The following USP46 variants were observed in gnomAD, a reference collection of about 807,000 sequenced individuals.
The protein encoded by USP46 is ubiquitin carboxyl-terminal hydrolase 46.
Under a neutral mutation model 44.4 loss-of-function variants are expected in USP46, and 12 were observed. The ratio of observed to expected loss-of-function variants is 0.27; its 90% CI spans 0.17 to 0.44. USP46 has a LOEUF of 0.44. Among genes scored for constraint, USP46 ranks in the 20% least tolerant of loss-of-function variants. The probability of loss-of-function intolerance (pLI) is 1.00; values close to 1 mark genes in which losing one functional copy is unlikely to be tolerated. For synonymous variants in USP46, 155 were observed against 161.5 expected, an observed-to-expected ratio of 0.96 and a Z score of 0.31; for missense variants, 248 against 444.8, an observed-to-expected ratio of 0.56 and a Z score of 3.98.
chr4:52,596,014 G>A lies in USP46; in HGVS notation c.*1626C>T, dbSNP rs1323617629. The A allele has an allele frequency of 6.6e-6, 1 of 152,542 alleles. No individual in the cohort carries two copies. The highest frequency in any genetic ancestry group is 1.9e-4 in the East Asian group (1 of 5,196). The allele number at this position is 152,542 out of a possible 1,614,324, so 9.4% of individuals were successfully genotyped here. On this transcript the variant is annotated 3_prime_UTR_variant, in exon 9 of 9. Transcript: ENST00000441222. ...AATAACATGAAGATCACCCTGTTTT[G>A]TCTTCTCCAGTGAAAAGTAAAACAT...
rs2109588759 is a variant in USP46 at position 52,597,621 on chromosome 4, A to T, written c.*19T>A. Reference sequence around the variant, plus strand: ...TGTGAACATTCTCCCCACGTGAATCAGTCCCGCAGGTCTTTCAGTTACTCT... The same window carrying T: ...TGTGAACATTCTCCCCACGTGAATCTGTCCCGCAGGTCTTTCAGTTACTCT... On this transcript the variant is annotated 3_prime_UTR_variant, in exon 9 of 9. Transcript: ENST00000441222. 2 of 1,520,618 alleles carry T rather than the reference A, an allele frequency of 1.3e-6. No homozygotes were observed. Among genetic ancestry groups the T allele is most frequent in the South Asian group, 2.4e-5 (2 of 83,244 alleles). The allele number at this position is 1,520,618 out of a possible 1,614,324, so 94.2% of individuals were successfully genotyped here. A position where few individuals can be genotyped will look rare whatever the true frequency, so the allele number is the denominator to read the frequency against.
In USP46 at chr4:52,625,972, A is replaced by G. The variant is rs181561645; in HGVS notation, c.561+46T>C. ...TGCAATCACATGCAACATAGCGTACATAAATATGAACATGCGAGCTACATA... is the reference window on the plus strand; with the variant it reads ...TGCAATCACATGCAACATAGCGTACGTAAATATGAACATGCGAGCTACATA... On this transcript the variant is annotated intron_variant, in intron 4 of 8. Coordinates refer to ENST00000441222, the MANE Select transcript of USP46 (RefSeq NM_022832.4). The G allele has an allele frequency of 2.6e-6, 4 of 1,552,956 alleles. No homozygotes were observed. The Admixed American group carries it at 5.3e-5, about 21-fold the overall frequency.
At chr4:52,619,401 C>G (rs1229681487) in intron 4 of USP46, among the ~76,000 whole-genome samples, 3 of 152,112 alleles carry the variant, frequency 2.0e-5, no homozygotes, top group Non-Finnish European at 4.4e-5. Flanking sequence ...GAGGCAGCAA[C>G]AATGGCAAGG....
chr4:52,622,313 T>C (rs982468977), intron 4 of USP46, among the ~76,000 whole-genome samples: 11 of 152,170 alleles, frequency 7.2e-5, no homozygotes, highest in African/African-American at 2.4e-4. Context: ...ACATACGTTA[T>C]ACACACACAC....
rs575823945 is a variant in USP46 at position 52,591,733 on chromosome 4, C to T, written c.*5907G>A. 3 of 152,198 alleles carry T rather than the reference C, an allele frequency of 2.0e-5. No individual in the cohort carries two copies. The highest frequency in any genetic ancestry group is 4.8e-5 in the African/African-American group (2 of 41,540). The allele number at this position is 152,198 out of a possible 1,614,324, so 9.4% of individuals were successfully genotyped here. A position where few individuals can be genotyped will look rare whatever the true frequency, so the allele number is the denominator to read the frequency against. ...CAAATCCCTTTAAAACATAAAGGAA[C>T]CTTAAAAAGCAAACAAAGGCTGATG... On this transcript the variant is annotated 3_prime_UTR_variant, in exon 9 of 9. Transcript: ENST00000441222.
intron 1 of USP46, among the ~76,000 whole-genome samples, chr4:52,653,734 G>A (rs1192682575): frequency 6.6e-6 from 1 of 152,068 alleles, no homozygotes; most frequent in Non-Finnish European, 1.5e-5. Flanking sequence ...GGGTAAGCTA[G>A]AGATAGAGAT....
chr4:52,628,379 T>G (rs535658454), intron 2 of USP46: 42 of 529,120 alleles, frequency 7.9e-5, no homozygotes, highest in Middle Eastern at 4.9e-4. Flanking sequence ...ATCATTCCGG[T>G]GCTTCTCTAG....
chr4:52,604,356 T>C, intron 6 of USP46, 145 bp downstream of exon 6: 2 of 641,864 alleles, frequency 3.1e-6, no homozygotes, highest in Non-Finnish European at 5.4e-6. Flanking sequence ...CCAGTTTCAC[T>C]GGTGAGGAGG....
Position 52,626,180 on chromosome 4 carries a change from C to T in USP46, c.399G>A (p.Ala133=). 3.1e-6 allele frequency: 5 copies of T among 1,613,792 alleles called. No individual in the cohort carries two copies. Among genetic ancestry groups the T allele is most frequent in the African/African-American group, 1.3e-5 (1 of 74,998 alleles). ...GTTTCTTCTCCTCCTGAAGGATGTC[C>T]GCAATAGTGTTTAGCAAATAATTTA... is the stretch of plus-strand genomic sequence containing the variant. ...EFLNYLLNTI[A]DILQEEKKQE... Residue 133 remains alanine, a synonymous_variant, in exon 4 of 9, where the codon GCG becomes GCA. Transcript: ENST00000441222.
rs553776421 is a variant in USP46 at position 52,612,150 on chromosome 4, C to A, written c.562-1533G>T. ...GGAAGGGATAAAACATTTTAAGTGGCCTAAAATGGTCAAAAAGTTGGGAAT... is the reference window on the plus strand; with the variant it reads ...GGAAGGGATAAAACATTTTAAGTGGACTAAAATGGTCAAAAAGTTGGGAAT... On this transcript the variant is annotated intron_variant, in intron 4 of 8. Coordinates refer to ENST00000441222, the MANE Select transcript of USP46 (RefSeq NM_022832.4). Among the ~76,000 whole-genome samples the A allele has an allele frequency of 2.0e-5, 3 of 152,158 alleles. No individual in the cohort carries two copies. In the South Asian group the frequency reaches 6.2e-4, roughly 32 times the overall value.
At chr4:52,657,382 T>G in intron 1 of USP46, among the ~76,000 whole-genome samples, 1 of 148,180 alleles carries the variant, frequency 6.7e-6, no homozygotes. Context: ...GGGGGACGCG[T>G]GGGGGGAGGT....
At chr4:52,603,983 C>G (rs890918351) in intron 6 of USP46, among the ~76,000 whole-genome samples, 2 of 152,176 alleles carry the variant, frequency 1.3e-5, no homozygotes, top group Non-Finnish European at 2.9e-5. Flanking sequence ...CTGTGCCCAG[C>G]CTCTAATCAC....
At chr4:52,639,744 T>TGGA (rs984078029) in intron 1 of USP46, among the ~76,000 whole-genome samples, 1 of 151,998 alleles carries the variant, frequency 6.6e-6, no homozygotes, top group Non-Finnish European at 1.5e-5. Context: ...TCGCCCAGGC[T>TGGA]GGAGTGCAGT....
At chr4:52,637,856 T>C (rs1162160361) in intron 1 of USP46, among the ~76,000 whole-genome samples, 4 of 152,158 alleles carry the variant, frequency 2.6e-5, no homozygotes, top group African/African-American at 7.2e-5. Flanking sequence ...ATGGCCCTCC[T>C]GCTGTTCTCC....
chr4:52,632,991 A>AAGAAAGAAAGAAAGAAAGAAAGAAAAGAG (rs1682456312), intron 1 of USP46, among the ~76,000 whole-genome samples: 1 of 27,272 alleles, frequency 3.7e-5, no homozygotes, highest in Non-Finnish European at 6.5e-5. Context: ...AAAGAAAAGA[A>AAGAAAGAAAGAAAGAAAGAAAGAAAAGAG]AAGAAAGAAA....
intron 1 of USP46, among the ~76,000 whole-genome samples, chr4:52,646,146 T>A (rs559795132): frequency 2.4e-4 from 37 of 152,170 alleles, no homozygotes; most frequent in Non-Finnish European, 4.4e-4. Flanking sequence ...AATAGGGTGA[T>A]TTCATCCTCC....
chr4:52,656,419 G>GGGGGGA, intron 1 of USP46: 5 of 1,323,062 alleles, frequency 3.8e-6, no homozygotes, highest in Non-Finnish European at 2.0e-6. Context: ...GGAAGACTGG[G>GGGGGGA]AGGGACAGTG....
intron 4 of USP46, among the ~76,000 whole-genome samples, chr4:52,625,338 G>A (rs1717536230): frequency 6.6e-6 from 1 of 151,988 alleles, no homozygotes; most frequent in South Asian, 2.1e-4. Context: ...AAGCAGAAAA[G>A]CCAGCATACA....
At chr4:52,628,337 T>C (rs1469891695) in intron 2 of USP46, 174 bp from the exon 3 acceptor site, 3 of 589,694 alleles carry the variant, frequency 5.1e-6, no homozygotes, top group South Asian at 4.8e-5. Context: ...CCAGTGACCA[T>C]CTGATCCACA....
Sources: gnomAD v4.1 joint callset for allele counts (sites outside exome capture counted in the v4.1 genomes callset) on GRCh38, gnomAD v4.1.1 for gene constraint, MANE v1.5 for transcripts, NCBI Gene and HGNC (gene_info 2026-07-23, HGNC 2026-07-21) for gene names.